CNTN5: variants seen among roughly 807,000 people sequenced by gnomAD.
CNTN5 encodes the protein contactin 5, also known as contactin-5.
A neutral mutation model predicts 129.1 loss-of-function variants in CNTN5; 77 were observed. That is an observed-to-expected ratio of 0.60 (90% CI 0.50 to 0.72). The LOEUF is 0.72. CNTN5 is among the 30% of genes least tolerant of loss of function. CNTN5 has a pLI of 0.00. For synonymous variants in CNTN5, 509 were observed against 465.6 expected (o/e 1.09, Z -1.20); for missense variants, 1,478 against 1,328.8 (o/e 1.11, Z -1.75).
chr11:99,755,340 A>G (rs1019032175), intron 3 of CNTN5, among the ~76,000 whole-genome samples: 8 of 152,202 alleles, frequency 5.3e-5, no homozygotes, highest in Non-Finnish European at 1.0e-4. Context: ...CACTCCTGTC[A>G]GCAACGAATG....
rs2137873448 is a variant in CNTN5, at chr11:100,071,807, T to C, written c.1402T>C (p.Tyr468His). The change falls in exon 12 of 25, where the codon TAC becomes CAC. Residue 468 changes from tyrosine to histidine, a missense_variant. Coordinates refer to ENST00000524871, the MANE Select transcript of CNTN5 (RefSeq NM_014361.4). ...CLAENKYGAIYASAELKILAS... is the reference protein window; with the variant it reads ...CLAENKYGAIHASAELKILAS... Reference sequence around the variant, plus strand: ...GGCTGAAAATAAGTATGGAGCCATTTACGCTAGTGCTGAGCTGAAGATTCT... The same window carrying C: ...GGCTGAAAATAAGTATGGAGCCATTCACGCTAGTGCTGAGCTGAAGATTCT... 1.2e-6 allele frequency: 2 copies of C among 1,607,930 alleles called. No homozygotes were observed. Among genetic ancestry groups the C allele is most frequent in the South Asian group, 2.2e-5 (2 of 89,746 alleles).
At chr11:99,766,695 C>A (rs2135309549) in intron 3 of CNTN5, among the ~76,000 whole-genome samples, 1 of 152,088 alleles carries the variant, frequency 6.6e-6, no homozygotes, top group South Asian at 2.1e-4. Flanking sequence ...ATTTCCCTGT[C>A]AAATTTATCT....
chr11:99,218,585 C>T (rs913453032), intron 1 of CNTN5, among the ~76,000 whole-genome samples: 4 of 152,056 alleles, frequency 2.6e-5, no homozygotes, highest in African/African-American at 9.7e-5. Context: ...CTTGTCTAAG[C>T]AGTTTTATGC....
chr11:99,745,692 C>T (rs779565307), intron 3 of CNTN5, among the ~76,000 whole-genome samples: 2 of 151,868 alleles, frequency 1.3e-5, no homozygotes, highest in Non-Finnish European at 2.9e-5. Flanking sequence ...CTTATTCCTG[C>T]CAACCTTAGT....
intron 3 of CNTN5, among the ~76,000 whole-genome samples, chr11:99,784,973 G>A (rs1671071676): frequency 6.6e-6 from 1 of 151,602 alleles, no homozygotes; most frequent in Non-Finnish European, 1.5e-5. Context: ...CTAATTTTTT[G>A]TATTTTTAGT....
chr11:99,970,479 C>T (rs1248437424), intron 8 of CNTN5, among the ~76,000 whole-genome samples: 1 of 152,086 alleles, frequency 6.6e-6, no homozygotes, highest in Non-Finnish European at 1.5e-5. Context: ...CCGACTTTAC[C>T]TGTTTATGTC....
rs79993667 is a variant in CNTN5, at chr11:100,201,676, A to G, written c.1884+8013A>G. Among the ~76,000 whole-genome samples, 1,007 of 152,018 alleles carry G rather than the reference A, an allele frequency of 6.6e-3. 22 individuals carry two copies. Among genetic ancestry groups the G allele is most frequent in the African/African-American group, 0.023 (963 of 41,504 alleles). On this transcript the variant is annotated intron_variant, in intron 15 of 24. Coordinates refer to ENST00000524871, the MANE Select transcript of CNTN5 (RefSeq NM_014361.4). The stretch of plus-strand genomic sequence containing the variant: ...TCATATTACTCGTGAGCCTATTCCA[A>G]TGAATTGAAATTGGAAGGATAACTA...
intron 1 of CNTN5, among the ~76,000 whole-genome samples, chr11:99,316,558 A>G (rs1706389073): frequency 6.6e-6 from 1 of 152,086 alleles, no homozygotes; most frequent in African/African-American, 2.4e-5. Context: ...ATAAGTTTTC[A>G]GGTGTATTTT....
chr11:99,112,234 G>A lies in CNTN5; in HGVS notation c.-210+90964G>A, dbSNP rs186247977. Among the ~76,000 whole-genome samples, 171 of 151,920 alleles carry A rather than the reference G, an allele frequency of 1.1e-3. 1 individual carries two copies. The highest frequency in any genetic ancestry group is 3.9e-3 in the African/African-American group (162 of 41,498). ...TGCAGTTTATAAATTAACTTATTTC[G>A]ATAAAAATGTAATAAACGTCTATTA... On this transcript the variant is annotated intron_variant, in intron 1 of 24. Coordinates refer to ENST00000524871, the MANE Select transcript of CNTN5 (RefSeq NM_014361.4).
intron 6 of CNTN5, among the ~76,000 whole-genome samples, chr11:99,866,333 A>AT (rs944313858): frequency 7.9e-5 from 12 of 152,006 alleles, no homozygotes; most frequent in South Asian, 4.2e-4. Flanking sequence ...GGTATTTAGT[A>AT]TTTTTTTTCC....
At chr11:99,293,120 C>CTT (rs34204366) in intron 1 of CNTN5, among the ~76,000 whole-genome samples, 2 of 152,080 alleles carry the variant, frequency 1.3e-5, no homozygotes, top group South Asian at 4.2e-4. Flanking sequence ...TTGGTTAAGA[C>CTT]TTTTTTTATT....
intron 16 of CNTN5, among the ~76,000 whole-genome samples, chr11:100,231,657 T>C (rs1322719270): frequency 2.0e-5 from 3 of 152,180 alleles, no homozygotes; most frequent in African/African-American, 7.2e-5. Context: ...CATGCAATCA[T>C]AGTCATTCAT....
chr11:99,273,436 G>T (rs539984719), intron 1 of CNTN5, among the ~76,000 whole-genome samples: 2 of 151,890 alleles, frequency 1.3e-5, no homozygotes, highest in African/African-American at 4.8e-5. Context: ...TATTTGTACA[G>T]AACCATTTTT....
At chr11:99,207,440 C>T (rs1859540642) in intron 1 of CNTN5, among the ~76,000 whole-genome samples, 2 of 152,154 alleles carry the variant, frequency 1.3e-5, no homozygotes, top group Admixed American at 6.6e-5. Context: ...ATTTTCCCTA[C>T]CTGCTGGATT....
chr11:100,269,274 C>T (rs183765196), intron 17 of CNTN5, among the ~76,000 whole-genome samples: 2 of 152,124 alleles, frequency 1.3e-5, no homozygotes, highest in East Asian at 3.9e-4. Context: ...TTGACAGAAG[C>T]CAGTATGATG....
chr11:99,672,739 A>T (rs1953102007), intron 3 of CNTN5, among the ~76,000 whole-genome samples: 1 of 151,338 alleles, frequency 6.6e-6, no homozygotes, highest in African/African-American at 2.4e-5. Flanking sequence ...AATAACCTTC[A>T]TTTTAAAAAT....
chr11:99,815,373 G>A (rs1237050645), intron 3 of CNTN5, among the ~76,000 whole-genome samples: 2 of 150,404 alleles, frequency 1.3e-5, no homozygotes, highest in Non-Finnish European at 3.0e-5. Context: ...CTGAGGAGTG[G>A]GGAAACTCTG....
At chr11:100,262,601 T>A (rs922519887) in intron 17 of CNTN5, among the ~76,000 whole-genome samples, 1 of 152,136 alleles carries the variant, frequency 6.6e-6, no homozygotes, top group Non-Finnish European at 1.5e-5. Context: ...CATGGAATAC[T>A]ATGCAGCCAT....
chr11:99,999,293 C>G (rs919753215), intron 8 of CNTN5, among the ~76,000 whole-genome samples: 1 of 152,118 alleles, frequency 6.6e-6, no homozygotes, highest in African/African-American at 2.4e-5. Flanking sequence ...CTACAATGAA[C>G]TCCAACAAAT....
Sources: gnomAD v4.1 joint callset for allele counts (sites outside exome capture counted in the v4.1 genomes callset) on GRCh38, gnomAD v4.1.1 for gene constraint, MANE v1.5 for transcripts, NCBI Gene and HGNC (gene_info 2026-07-23, HGNC 2026-07-21) for gene names.